Variants in IGSF21 observed in about 807,000 individuals in gnomAD.
IGSF21 encodes the protein immunoglobin superfamily member 21, also known as immunoglobulin superfamily member 21.
IGSF21 carries 28 observed loss-of-function variants against 46.8 expected under a neutral mutation model. That is an observed-to-expected ratio of 0.60 (90% confidence interval 0.44 to 0.82). IGSF21 has a LOEUF of 0.82. IGSF21 is among the 40% of genes least tolerant of loss of function. IGSF21 has a pLI of 0.00. For missense variants in IGSF21, 624 were observed against 665.5 expected, an observed-to-expected ratio of 0.94 and a Z score of 0.69; for synonymous variants, 284 against 273.6, an observed-to-expected ratio of 1.04 and a Z score of -0.38.
At chr1:18,150,427 C>T (rs1360804616) in intron 1 of IGSF21, among the ~76,000 whole-genome samples, 2 of 151,982 alleles carry the variant, frequency 1.3e-5, no homozygotes, top group East Asian at 3.9e-4. Flanking sequence ...TCTCAGGATA[C>T]TTAAGGTAGT....
intron 1 of IGSF21, among the ~76,000 whole-genome samples, chr1:18,138,788 A>C (rs1245598935): frequency 6.6e-6 from 1 of 152,216 alleles, no homozygotes. Context: ...CCATTAACTG[A>C]GCACTTACTA....
In IGSF21 at chr1:18,170,447, G is replaced by T. The variant is rs893423292; in HGVS notation, c.71-57451G>T. ...TAATACATTAATATACAGAGTGCCAGGTCCCACTTCCAGAGAGTCTGATTC... is the reference window on the plus strand; with the variant it reads ...TAATACATTAATATACAGAGTGCCATGTCCCACTTCCAGAGAGTCTGATTC... On this transcript the variant is annotated intron_variant, in intron 1 of 9. Transcript: ENST00000251296. 2.6e-5 allele frequency among the ~76,000 whole-genome samples: 4 copies of T among 151,744 alleles called. No individual in the cohort carries two copies. The East Asian group carries it at 7.8e-4, about 30-fold the overall frequency.
intron 3 of IGSF21, among the ~76,000 whole-genome samples, chr1:18,298,580 A>T (rs1366279836): frequency 6.6e-6 from 1 of 152,190 alleles, no homozygotes; most frequent in Non-Finnish European, 1.5e-5. Flanking sequence ...GAGAAAGCCA[A>T]TGCTGGGCTG....
intron 1 of IGSF21, 71 bp downstream of exon 1, chr1:18,108,269 C>A: frequency 7.7e-7 from 1 of 1,291,424 alleles, no homozygotes; most frequent in Non-Finnish European, 9.8e-7. Flanking sequence ...GGGGAGGGCG[C>A]TGGCCGGGGT....
intron 1 of IGSF21, among the ~76,000 whole-genome samples, chr1:18,192,449 T>C (rs1193515770): frequency 6.6e-6 from 1 of 152,238 alleles, no homozygotes; most frequent in Non-Finnish European, 1.5e-5. Flanking sequence ...ATCTGCAACA[T>C]ACTTTGAGGG....
intron 1 of IGSF21, among the ~76,000 whole-genome samples, chr1:18,155,906 G>C (rs572528050): frequency 5.3e-5 from 8 of 152,268 alleles, no homozygotes; most frequent in Non-Finnish European, 1.0e-4. Flanking sequence ...AGGAGGCTGA[G>C]AGCCTAATTG....
At chr1:18,182,796 C>T (rs1466424292) in intron 1 of IGSF21, among the ~76,000 whole-genome samples, 3 of 152,220 alleles carry the variant, frequency 2.0e-5, no homozygotes, top group Non-Finnish European at 4.4e-5. Flanking sequence ...GGGAACAGAG[C>T]CAAGGTGCCT....
In IGSF21 at chr1:18,184,405, G is replaced by A. The variant is rs77275559; in HGVS notation, c.71-43493G>A. Reference sequence around the variant, plus strand: ...AAACGTCCCTGGGGTCCCCAGTCTCGGTCCTGGTTAAGCCAAGCTACACAG... The same window carrying A: ...AAACGTCCCTGGGGTCCCCAGTCTCAGTCCTGGTTAAGCCAAGCTACACAG... On this transcript the variant is annotated intron_variant, in intron 1 of 9. Transcript: ENST00000251296. Among the ~76,000 whole-genome samples the A allele has an allele frequency of 3.4e-3, 517 of 152,148 alleles. 4 individuals carry two copies. The highest frequency in any genetic ancestry group is 0.011 in the African/African-American group (457 of 41,516).
intron 2 of IGSF21, among the ~76,000 whole-genome samples, chr1:18,237,426 A>G (rs2084683619): frequency 1.3e-5 from 2 of 152,198 alleles, no homozygotes; most frequent in Non-Finnish European, 2.9e-5. Context: ...CACCTGGCCA[A>G]TGGGCTTGAC....
At chr1:18,221,524 T>C (rs2084510257) in intron 1 of IGSF21, among the ~76,000 whole-genome samples, 1 of 152,146 alleles carries the variant, frequency 6.6e-6, no homozygotes, top group African/African-American at 2.4e-5. Flanking sequence ...GGAGAGTTCC[T>C]GGGTGTAGGA....
At chr1:18,338,517 G>A (rs574518295) in intron 4 of IGSF21, among the ~76,000 whole-genome samples, 57 of 152,248 alleles carry the variant, frequency 3.7e-4, no homozygotes, top group South Asian at 1.5e-3. Context: ...AAGGAGAGCC[G>A]AGGAGCTGGG....
At chr1:18,173,440 T>C (rs1425425676) in intron 1 of IGSF21, among the ~76,000 whole-genome samples, 1 of 152,210 alleles carries the variant, frequency 6.6e-6, no homozygotes, top group Admixed American at 6.5e-5. Flanking sequence ...AATAAGCCAG[T>C]CACTCCCAAA....
At chr1:18,242,565 C>G (rs1243840440) in intron 2 of IGSF21, among the ~76,000 whole-genome samples, 1 of 152,152 alleles carries the variant, frequency 6.6e-6, no homozygotes, top group East Asian at 1.9e-4. Context: ...CTATAATAGT[C>G]ATTTCAATTG....
Position 18,367,603 on chromosome 1 carries a change from CTTTTTT to C in IGSF21, c.1015+1923_1015+1928del, listed in dbSNP as rs35019096. 1.0e-3 allele frequency among the ~76,000 whole-genome samples: 77 copies of C among 73,964 alleles called. 2 individuals carry two copies. Among genetic ancestry groups the C allele is most frequent in the Non-Finnish European group, 1.1e-3 (44 of 39,560 alleles). 48.5% of individuals were successfully genotyped at this position (73,964 alleles called of 152,430 possible). On this transcript the variant is annotated intron_variant, in intron 6 of 9. Transcript: ENST00000251296. ...GACCTTTGATATTCTCTCTCTCTCT[CTTTTTT>C]TTTTTTTTTTTTTTTTGACAGAGTC...
Position 18,365,499 on chromosome 1 carries a change from G to A in IGSF21, c.817G>A (p.Glu273Lys). The A allele has an allele frequency of 6.2e-7, 1 of 1,613,926 alleles. No individual in the cohort carries two copies. Among genetic ancestry groups the A allele is most frequent in the South Asian group, 1.1e-5 (1 of 91,054 alleles). ...ENIPETVVSR[E>K]FPRWVHSAEP... ...CATACCAGAGACGGTCGTGAGCCGT[G>A]AGTTTCCCCGCTGGGTCCACAGCGC... Residue 273 changes from glutamate (E) to lysine (K), a missense_variant, in exon 6 of 10, where the codon GAG becomes AAG. Coordinates refer to ENST00000251296, the MANE Select transcript of IGSF21 (RefSeq NM_032880.5). This position sits in a 1 kb window ranked among gnomAD's most constrained non-coding sequence, Gnocchi z 4.8.
chr1:18,127,264 C>A (rs1432716582), intron 1 of IGSF21, among the ~76,000 whole-genome samples: 1 of 152,168 alleles, frequency 6.6e-6, no homozygotes, highest in Non-Finnish European at 1.5e-5. Context: ...ACATAACCTA[C>A]CTCTGGCTGT....
chr1:18,362,354 C>T lies in IGSF21; in HGVS notation c.540+124C>T. On this transcript the variant is annotated intron_variant, in intron 5 of 9. Transcript: ENST00000251296. ...AGTGGTTGGCCAGGGCTGACTCTGT[C>T]CCCATCTGCCTTGGTCTGATCCCGT... 4.4e-6 allele frequency: 3 copies of T among 688,124 alleles called. No homozygotes were observed. In the South Asian group the frequency reaches 5.2e-5, roughly 12 times the overall value. The allele number at this position is 688,124 out of a possible 1,614,324, so 42.6% of individuals were successfully genotyped here.
intron 3 of IGSF21, among the ~76,000 whole-genome samples, chr1:18,311,787 C>G (rs903039283): frequency 6.6e-6 from 1 of 152,156 alleles, no homozygotes; most frequent in Non-Finnish European, 1.5e-5. Context: ...ATAAAACCAT[C>G]GGATCATGTG....
At chr1:18,237,018 C>T (rs1246830410) in intron 2 of IGSF21, among the ~76,000 whole-genome samples, 2 of 152,138 alleles carry the variant, frequency 1.3e-5, no homozygotes, top group African/African-American at 2.4e-5. Context: ...TCTGAACAAA[C>T]CTTTGCAAGT....
Sources: allele counts gnomAD v4.1 joint callset (sites outside exome capture counted in the v4.1 genomes callset), GRCh38; gene constraint gnomAD v4.1.1; non-coding constraint Gnocchi (gnomAD v3.1); transcripts MANE v1.5; gene names NCBI Gene and HGNC (gene_info 2026-07-23, HGNC 2026-07-21).